Variants in GAK observed in about 807,000 individuals in gnomAD.
GAK encodes the protein cyclin-G-associated kinase.
A neutral mutation model predicts 143.9 loss-of-function variants in GAK; 79 were observed. The observed-to-expected ratio is 0.55, with a 90% CI of 0.46 to 0.66. The LOEUF is 0.66. Among genes scored for constraint, GAK ranks in the 30% least tolerant of loss-of-function variants. The pLI, the probability that GAK is intolerant of heterozygous loss-of-function variation, is 0.00. For missense variants in GAK, 1,693 were observed against 1,779.7 expected, an observed-to-expected ratio of 0.95 and a Z score of 0.88; for synonymous variants, 881 against 765.5, an observed-to-expected ratio of 1.15 and a Z score of -2.49.
chr4:859,882 T>A (rs1749970625), intron 23 of GAK, among the ~76,000 whole-genome samples, 160 bp from the exon 24 acceptor site: 1 of 152,040 alleles, frequency 6.6e-6, no homozygotes, highest in Admixed American at 6.5e-5. Flanking sequence ...AGGACAGAGG[T>A]GTGTGTGGCG....
chr4:857,867 C>T lies in GAK; in HGVS notation c.3283+1739G>A, dbSNP rs79373691. On this transcript the variant is annotated intron_variant, in intron 24 of 27. Coordinates refer to ENST00000314167, the MANE Select transcript of GAK (RefSeq NM_005255.4). ...TCAGGTTACTGCTGGGGCATTCCAG[C>T]TTTTCCACAGCAAGCCCCCACGGCT... Among the ~76,000 whole-genome samples, 80 of 152,322 alleles carry T rather than the reference C, an allele frequency of 5.3e-4. 2 individuals are homozygous for T. The East Asian group carries it at 0.014, about 27-fold the overall frequency.
chr4:865,325 G>A, intron 22 of GAK, 81 bp from the exon 23 acceptor site: 1 of 1,582,680 alleles, frequency 6.3e-7, no homozygotes. Context: ...GCTGTGCTCA[G>A]GGCCCTAGGA....
rs572653435 is a variant in GAK, at chr4:852,105, G to A, written c.3284-131C>T. ...AATAGAACACCGATCACTCGAGGCC[G>A]TCCAGAGGTGCCGGCTCCACCCACA... On this transcript the variant is annotated intron_variant, in intron 24 of 27. Transcript: ENST00000314167. 421 of 805,068 alleles carry A rather than the reference G, an allele frequency of 5.2e-4. 2 individuals carry two copies. The highest frequency in any genetic ancestry group is 6.7e-4 in the Non-Finnish European group (327 of 487,804). 49.9% of individuals were successfully genotyped at this position (805,068 alleles called of 1,614,324 possible).
intron 4 of GAK, among the ~76,000 whole-genome samples, chr4:908,039 G>A (rs1414082616): frequency 6.6e-6 from 1 of 152,190 alleles, no homozygotes; most frequent in African/African-American, 2.4e-5. Context: ...TGGACGCCGA[G>A]CAGCTTCAGT....
intron 1 of GAK, among the ~76,000 whole-genome samples, chr4:922,872 C>T (rs1309624626): frequency 6.6e-6 from 1 of 152,222 alleles, no homozygotes; most frequent in South Asian, 2.1e-4. Flanking sequence ...GCAGCTTTAT[C>T]TGTAGTAGCC....
At position 867,156 on chromosome 4, in the gene GAK, C is replaced by T; in HGVS notation, c.2672G>A (p.Gly891Asp). The change falls in exon 21 of 28, where the codon GGC becomes GAC. Residue 891 changes from glycine to aspartate, a missense_variant. By Grantham distance (94) the Gly-to-Asp change is moderately conservative. Around this residue, in one of 2 missense-constraint regions of GAK, gnomAD observed 822 missense variants for 788.7 expected, o/e 1.04. Coordinates refer to ENST00000314167, the MANE Select transcript of GAK (RefSeq NM_005255.4). ...VDLLGLHSEVGAGPAVPPQAC... is the reference protein window; with the variant it reads ...VDLLGLHSEVDAGPAVPPQAC... The stretch of plus-strand genomic sequence containing the variant: ...CTGCGGGGGTACAGCTGGCCCTGCG[C>T]CCACCTCGGAGTGCAGGCCCAGGAG... 1.3e-6 allele frequency: 2 copies of T among 1,598,580 alleles called. No individual in the cohort carries two copies. Among genetic ancestry groups the T allele is most frequent in the Non-Finnish European group, 1.7e-6 (2 of 1,170,148 alleles).
At chr4:887,196 C>A (rs1364078783) in intron 11 of GAK, 8 of 145,686 alleles carry the variant, frequency 5.5e-5, no homozygotes, top group Non-Finnish European at 1.0e-4. Flanking sequence ...GCACGCGGCT[C>A]GCGCACTCAC....
chr4:925,757 C>A (rs1724610317), intron 1 of GAK, among the ~76,000 whole-genome samples: 1 of 152,206 alleles, frequency 6.6e-6, no homozygotes, highest in Admixed American at 6.5e-5. Context: ...TGGACCTCAC[C>A]AGACACCAGA....
chr4:849,834 ACCCCCCCCCCG>A (rs1747763922), intron 27 of GAK, 47 bp downstream of exon 27: 4 of 942,246 alleles, frequency 4.2e-6, no homozygotes, highest in Admixed American at 2.6e-5. Flanking sequence ...GCGGGGCAGG[ACCCCCCCCCCG>A]CCCCGCCCCT....
intron 3 of GAK, 90 bp from the exon 4 acceptor site, chr4:911,877 A>C: frequency 1.0e-6 from 1 of 988,870 alleles, no homozygotes; most frequent in Non-Finnish European, 1.6e-6. Flanking sequence ...TAACACACTG[A>C]AGTCAGAATA....
intron 5 of GAK, among the ~76,000 whole-genome samples, chr4:899,169 A>G (rs1719376931): frequency 6.6e-6 from 1 of 152,216 alleles, no homozygotes; most frequent in African/African-American, 2.4e-5. Context: ...CCTCGCCCCC[A>G]GCTCACACAA....
rs748773762 is a variant in GAK at position 851,102 on chromosome 4, CT to C, written c.3509-19del. 23 of 1,608,910 alleles carry C rather than the reference CT, an allele frequency of 1.4e-5. No homozygotes were observed. Among genetic ancestry groups the C allele is most frequent in the East Asian group, 2.2e-5 (1 of 44,728 alleles). On this transcript the variant is annotated intron_variant, in intron 25 of 27. Coordinates refer to ENST00000314167, the MANE Select transcript of GAK (RefSeq NM_005255.4). ...CTTTTGAGCTAGAAAAGAACAGAAA[CT>C]TTTTTTTGTTTGAGACAGGGTCTCC...
chr4:895,931 C>T (rs535907636), intron 7 of GAK, among the ~76,000 whole-genome samples: 14 of 152,314 alleles, frequency 9.2e-5, no homozygotes, highest in East Asian at 3.9e-4. Flanking sequence ...CCGCACAGGA[C>T]GCCCCCAACT....
rs185529218 is a variant in GAK at position 916,198 on chromosome 4, T to C, written c.146-2530A>G. On this transcript the variant is annotated intron_variant, in intron 1 of 27. Transcript: ENST00000314167. ...GAAAAGATAAATCACTACTAAGTTT[T>C]GCAAATCATATACCTAATAAAGGAC... is the stretch of plus-strand genomic sequence containing the variant. 7.2e-5 allele frequency among the ~76,000 whole-genome samples: 11 copies of C among 152,364 alleles called. No homozygotes were observed. The East Asian group carries it at 2.1e-3, about 29-fold the overall frequency.
rs781006143 is a variant in GAK at position 865,098 on chromosome 4, G to GT, written c.3166+23dup. ...CAGCAGCTGCACGTCTGGGAGCCCT[G>GT]TCCTTGGTGGGTGGTGGCCATACCT... On this transcript the variant is annotated intron_variant, in intron 23 of 27. Transcript: ENST00000314167. 251 of 1,601,388 alleles carry GT rather than the reference G, an allele frequency of 1.6e-4. 2 individuals carry two copies. In the Admixed American group the frequency reaches 4.2e-3, roughly 27 times the overall value.
At position 882,831 on chromosome 4, in the gene GAK, G is replaced by A. The variant is rs1345059618; in HGVS notation, c.1405-12C>T. 1 of 1,606,746 alleles carries A rather than the reference G, an allele frequency of 6.2e-7. No homozygotes were observed. The highest frequency in any genetic ancestry group is 8.5e-7 in the Non-Finnish European group (1 of 1,179,098). On this transcript the variant is annotated splice_polypyrimidine_tract_variant and intron_variant, in intron 13 of 27. Transcript: ENST00000314167. ...CCACACTCGGAGACCTGTGGGGACA[G>A]GGCACGGTGGCACGGACGGCAGAGG...
chr4:925,826 G>A (rs937587438), intron 1 of GAK, among the ~76,000 whole-genome samples: 1 of 152,204 alleles, frequency 6.6e-6, no homozygotes, highest in African/African-American at 2.4e-5. Flanking sequence ...ATAAACAAAC[G>A]TCTGTGGTTT....
At chr4:909,723 G>C (rs1157602808) in intron 4 of GAK, among the ~76,000 whole-genome samples, 1 of 152,218 alleles carries the variant, frequency 6.6e-6, no homozygotes, top group Non-Finnish European at 1.5e-5. Flanking sequence ...AATGGAGAGA[G>C]GGAAAGCCGC....
chr4:849,835 C>CGGGGG, intron 27 of GAK, 57 bp downstream of exon 27: 1 of 183,814 alleles, frequency 5.4e-6, no homozygotes, highest in Non-Finnish European at 7.5e-6. Context: ...CGGGGCAGGA[C>CGGGGG]CCCCCCCCCG....
Sources: allele counts gnomAD v4.1 joint callset (sites outside exome capture counted in the v4.1 genomes callset), GRCh38; gene constraint gnomAD v4.1.1; regional missense constraint gnomAD v4.1.1; transcripts MANE v1.5; gene names NCBI Gene and HGNC (gene_info 2026-07-23, HGNC 2026-07-21).